PICALM: variants seen among roughly 807,000 people sequenced by gnomAD.
PICALM encodes phosphatidylinositol binding clathrin assembly protein.
Under a neutral mutation model 80.5 loss-of-function variants are expected in PICALM, and 40 were observed. The ratio of observed to expected loss-of-function variants is 0.50; its 90% confidence interval spans 0.39 to 0.65. The LOEUF is 0.65. Ranked by LOEUF, PICALM falls within the 30% of genes least tolerant of loss-of-function variation. PICALM has a pLI of 0.00. For synonymous variants in PICALM, 288 were observed against 260.3 expected (o/e 1.11, Z -1.02); for missense variants, 676 against 778.9 (o/e 0.87, Z 1.57).
intron 1 of PICALM, among the ~76,000 whole-genome samples, chr11:86,056,758 G>A (rs72965166): frequency 6.6e-6 from 1 of 152,118 alleles, no homozygotes; most frequent in African/African-American, 2.4e-5. Context: ...AGCCCAAATG[G>A]CTAAACAACC....
chr11:85,993,082 T>TA (rs1203688201), intron 12 of PICALM, among the ~76,000 whole-genome samples: 5 of 151,788 alleles, frequency 3.3e-5, no homozygotes, highest in Non-Finnish European at 5.9e-5. Flanking sequence ...CGAAATCCCT[T>TA]AAAGTTTTTT....
At chr11:85,992,614 T>C (rs1209548155) in intron 12 of PICALM, among the ~76,000 whole-genome samples, 2 of 152,168 alleles carry the variant, frequency 1.3e-5, no homozygotes, top group Admixed American at 6.5e-5. Context: ...ATACATGATA[T>C]TAACAGCTGC....
intron 19 of PICALM, among the ~76,000 whole-genome samples, chr11:85,962,689 T>C (rs1290772181): frequency 6.6e-6 from 1 of 152,210 alleles, no homozygotes; most frequent in Non-Finnish European, 1.5e-5. Context: ...ACACGTCTCA[T>C]ATCTATAAAA....
intron 17 of PICALM, chr11:85,977,980 A>G: frequency 2.1e-6 from 2 of 935,430 alleles, no homozygotes; most frequent in Non-Finnish European, 3.5e-6. Flanking sequence ...TGTGAAAACA[A>G]GTAATAGCTG....
At chr11:85,980,588 T>C (rs376697024) in intron 17 of PICALM, among the ~76,000 whole-genome samples, 1 of 152,166 alleles carries the variant, frequency 6.6e-6, no homozygotes, top group East Asian at 1.9e-4. Context: ...GCCAAACACA[T>C]TGTCATATAT....
chr11:86,061,041 T>C (rs886549970), intron 1 of PICALM, among the ~76,000 whole-genome samples: 4 of 152,100 alleles, frequency 2.6e-5, no homozygotes, highest in Non-Finnish European at 5.9e-5. Flanking sequence ...AAAAGATACA[T>C]TTGATAGCCG....
chr11:86,039,592 A>G (rs1219081597), intron 1 of PICALM, among the ~76,000 whole-genome samples: 1 of 152,170 alleles, frequency 6.6e-6, no homozygotes, highest in Non-Finnish European at 1.5e-5. Flanking sequence ...ATTTTAACAA[A>G]GTTCTTCCTG....
chr11:86,020,041 C>T (rs184783583), intron 4 of PICALM, among the ~76,000 whole-genome samples: 270 of 152,116 alleles, frequency 1.8e-3, no homozygotes, highest in Middle Eastern at 3.4e-3. Flanking sequence ...CATCCTATAT[C>T]CTAGGAAAAA....
chr11:85,960,205 A>G (rs2093642412), intron 19 of PICALM, among the ~76,000 whole-genome samples: 1 of 72,858 alleles, frequency 1.4e-5, no homozygotes, highest in Non-Finnish European at 2.7e-5. Context: ...CTGCCCATCC[A>G]AAGATTACTG....
Position 86,052,427 on chromosome 11 carries a change from G to A in PICALM, c.130+16224C>T, listed in dbSNP as rs564730474. On this transcript the variant is annotated intron_variant, in intron 1 of 19. Coordinates refer to ENST00000393346, the MANE Select transcript of PICALM (RefSeq NM_007166.4). ...TTATCAGACTTTGTGAATCCCTGAA[G>A]ACTGAAAGTTTCCTTTCTTTTATAA... Among the ~76,000 whole-genome samples, 5 of 152,288 alleles carry A rather than the reference G, an allele frequency of 3.3e-5. No individual in the cohort carries two copies. The East Asian group carries it at 9.6e-4, about 29-fold the overall frequency.
At chr11:86,033,326 A>T (rs1180196767) in intron 1 of PICALM, among the ~76,000 whole-genome samples, 1 of 152,164 alleles carries the variant, frequency 6.6e-6, no homozygotes, top group Non-Finnish European at 1.5e-5. Context: ...ATGTGTATGT[A>T]TATGTACATA....
intron 1 of PICALM, among the ~76,000 whole-genome samples, chr11:86,051,008 C>T (rs912412619): frequency 6.6e-5 from 10 of 152,142 alleles, no homozygotes; most frequent in African/African-American, 1.9e-4. Flanking sequence ...ATTTTTGTTG[C>T]CCATTTCCTC....
At chr11:86,002,353 A>G (rs1201099866) in intron 9 of PICALM, among the ~76,000 whole-genome samples, 1 of 152,224 alleles carries the variant, frequency 6.6e-6, no homozygotes, top group Non-Finnish European at 1.5e-5. Context: ...AAAGTCTAAA[A>G]AGAACCAAAG....
chr11:86,016,930 T>C (rs904726617), intron 4 of PICALM, among the ~76,000 whole-genome samples: 3 of 152,116 alleles, frequency 2.0e-5, no homozygotes, highest in Non-Finnish European at 2.9e-5. Context: ...ATTTAAAAAG[T>C]GTTGGCTAAG....
chr11:85,984,070 T>C, intron 13 of PICALM, 97 bp from the exon 14 acceptor site: 1 of 621,536 alleles, frequency 1.6e-6, no homozygotes, highest in Admixed American at 3.5e-5. Context: ...ATGCACTAAA[T>C]TCCCCACACA....
At chr11:86,021,071 A>C (rs1282170833) in intron 4 of PICALM, among the ~76,000 whole-genome samples, 2 of 152,204 alleles carry the variant, frequency 1.3e-5, no homozygotes, top group Non-Finnish European at 2.9e-5. Context: ...GCAAAAGGCC[A>C]GGTCAGTAGC....
chr11:86,031,433 A>C (rs1274504770), intron 2 of PICALM, 36 bp downstream of exon 2: 30 of 1,535,068 alleles, frequency 2.0e-5, no homozygotes, highest in African/African-American at 2.8e-5. Context: ...ATAAGTCAAC[A>C]CATCAGTATA....
intron 3 of PICALM, among the ~76,000 whole-genome samples, chr11:86,024,491 T>C (rs1055199681): frequency 5.3e-5 from 8 of 150,272 alleles, no homozygotes; most frequent in Non-Finnish European, 1.0e-4. Context: ...AGGCCCTGAT[T>C]AACTCTACAC....
intron 14 of PICALM, among the ~76,000 whole-genome samples, chr11:85,982,423 C>CTTTTTTTTTTTT (rs59672357): frequency 0.32 from 21,918 of 68,720 alleles, 6,919 homozygotes; most frequent in African/African-American, 0.36. Flanking sequence ...ATTTTATAGA[C>CTTTTTTTTTTTT]TTTTTTTTTT....
Sources: allele counts gnomAD v4.1 joint callset (sites outside exome capture counted in the v4.1 genomes callset), GRCh38; gene constraint gnomAD v4.1.1; transcripts MANE v1.5; gene names NCBI Gene and HGNC (gene_info 2026-07-23, HGNC 2026-07-21).